The following SNAP91 variants were observed in gnomAD, a reference collection of about 807,000 sequenced individuals.
SNAP91 encodes the protein synaptosome associated protein 91, also known as clathrin coat assembly protein AP180.
SNAP91 carries 27 observed loss-of-function variants against 100.3 expected under a neutral mutation model. The observed-to-expected ratio is 0.27, with a 90% CI of 0.20 to 0.37. SNAP91 has a LOEUF of 0.37. SNAP91 is among the 10% of genes least tolerant of loss of function. The pLI is 1.00. For missense variants in SNAP91, 986 were observed against 1,123.7 expected, an observed-to-expected ratio of 0.88 and a Z score of 1.75; for synonymous variants, 404 against 398.6, an observed-to-expected ratio of 1.01 and a Z score of -0.16.
intron 12 of SNAP91, among the ~76,000 whole-genome samples, chr6:83,608,328 G>A (rs2095778913): frequency 6.6e-6 from 1 of 152,048 alleles, no homozygotes; most frequent in South Asian, 2.1e-4. Flanking sequence ...CTGATGTTTT[G>A]AAGATATCAT....
At chr6:83,663,167 T>G (rs2098596866) in intron 3 of SNAP91, among the ~76,000 whole-genome samples, 1 of 152,118 alleles carries the variant, frequency 6.6e-6, no homozygotes, top group Admixed American at 6.6e-5. Context: ...CCCCTGACTT[T>G]CTCCCTTTCC....
At chr6:83,694,146 G>C (rs1045668561) in intron 2 of SNAP91, among the ~76,000 whole-genome samples, 5 of 152,180 alleles carry the variant, frequency 3.3e-5, no homozygotes, top group African/African-American at 1.2e-4. Context: ...AATGAATGCT[G>C]TGTATTCACA....
chr6:83,647,952 T>C (rs1441749817), intron 7 of SNAP91, among the ~76,000 whole-genome samples: 5 of 151,984 alleles, frequency 3.3e-5, no homozygotes, highest in African/African-American at 1.2e-4. Flanking sequence ...GGTGAGAGAG[T>C]GCATGCCTGA....
At chr6:83,597,154 T>C (rs561588567) in intron 16 of SNAP91, among the ~76,000 whole-genome samples, 52 of 152,260 alleles carry the variant, frequency 3.4e-4, no homozygotes, top group African/African-American at 1.2e-3. Context: ...GAAATTTTCT[T>C]AAAGGTAGGA....
intron 13 of SNAP91, 60 bp downstream of exon 13, chr6:83,607,633 CATAAAA>C (rs2128289451): frequency 9.6e-7 from 1 of 1,042,314 alleles, no homozygotes; most frequent in South Asian, 1.6e-5. Flanking sequence ...GGGTACAGCA[CATAAAA>C]ATAAAACCAA....
Position 83,580,597 on chromosome 6 carries a change from A to C in SNAP91, c.2152T>G (p.Phe718Val), listed in dbSNP as rs985682381. The change falls in exon 24 of 30, where the codon TTT becomes GTT. Residue 718 changes from phenylalanine (F) to valine (V), a missense_variant and splice_region_variant. Around this residue, in one of 4 missense-constraint regions of SNAP91, gnomAD observed 575 missense variants for 579.9 expected, o/e 0.99. Transcript: ENST00000369694. ...SSSSSFDPSV[F>V]DGLGDLLMPT... ...ATCAAAAGATCACCTAGACCATCAA[A>C]CACTGGAAATCAAATAGACTAGGTT... The C allele has an allele frequency of 4.4e-6, 7 of 1,601,696 alleles. No individual in the cohort carries two copies. The African/African-American group carries it at 9.4e-5, about 22-fold the overall frequency.
chr6:83,631,189 C>T (rs2097192227), intron 8 of SNAP91, among the ~76,000 whole-genome samples: 1 of 152,058 alleles, frequency 6.6e-6, no homozygotes, highest in Non-Finnish European at 1.5e-5. Context: ...TTTTATTCCA[C>T]TGTGGTCTGA....
At chr6:83,659,635 T>C (rs1562545014) in intron 5 of SNAP91, among the ~76,000 whole-genome samples, 1 of 152,076 alleles carries the variant, frequency 6.6e-6, no homozygotes, top group African/African-American at 2.4e-5. Context: ...TCTCACTATG[T>C]TGCCCAGGCT....
chr6:83,607,542 G>T (rs959697261), intron 13 of SNAP91, among the ~76,000 whole-genome samples, 157 bp downstream of exon 13: 9 of 152,038 alleles, frequency 5.9e-5, no homozygotes, highest in African/African-American at 2.2e-4. Flanking sequence ...TGATTTAAGA[G>T]GCACAGGAGT....
intron 2 of SNAP91, among the ~76,000 whole-genome samples, chr6:83,686,591 C>T (rs1037003344): frequency 6.6e-6 from 1 of 152,188 alleles, no homozygotes; most frequent in Non-Finnish European, 1.5e-5. Flanking sequence ...AAAATAATCA[C>T]TTTCATACTT....
intron 7 of SNAP91, among the ~76,000 whole-genome samples, chr6:83,648,396 T>C (rs1298800886): frequency 2.0e-5 from 3 of 152,118 alleles, no homozygotes; most frequent in Non-Finnish European, 4.4e-5. Flanking sequence ...TTTTTTCTAT[T>C]ATGAACATTT....
intron 2 of SNAP91, among the ~76,000 whole-genome samples, chr6:83,676,440 T>G (rs374774401): frequency 6.6e-6 from 1 of 152,184 alleles, no homozygotes; most frequent in Non-Finnish European, 1.5e-5. Context: ...CTAAATGTAG[T>G]GAGAAAGCCA....
At chr6:83,654,748 A>T (rs1042796313) in intron 7 of SNAP91, among the ~76,000 whole-genome samples, 3 of 152,186 alleles carry the variant, frequency 2.0e-5, no homozygotes, top group Non-Finnish European at 4.4e-5. Flanking sequence ...TTATGAAAAG[A>T]TGTATGTATT....
intron 26 of SNAP91, 128 bp downstream of exon 26, chr6:83,574,882 G>C (rs1815554655): frequency 1.7e-6 from 1 of 593,588 alleles, no homozygotes; most frequent in Non-Finnish European, 2.9e-6. Context: ...AGTGCTACTT[G>C]CTTATATTTC....
intron 2 of SNAP91, among the ~76,000 whole-genome samples, chr6:83,673,371 G>C (rs1322505478): frequency 6.6e-6 from 1 of 151,966 alleles, no homozygotes; most frequent in Non-Finnish European, 1.5e-5. Context: ...TCCATGCAAG[G>C]GCACAATGAG....
rs1220357748 is a variant in SNAP91, at chr6:83,623,333, T to C, written c.775A>G (p.Ile259Val). Residue 259 changes from isoleucine to valine, a missense_variant, in exon 9 of 30, where the codon ATT (isoleucine) becomes GTT (valine). By Grantham distance (29) the Ile-to-Val change is conservative. This residue lies in a region of SNAP91 where 330 missense variants were observed against 447.5 expected (regional missense o/e 0.74). Transcript: ENST00000369694. ...EFLKVAEQVGIDKGDIPDLTQ... is the reference protein window; with the variant it reads ...EFLKVAEQVGVDKGDIPDLTQ... ...AGGTCAGGAATGTCACCTTTATCAA[T>C]ACCAACTTGCTGTGGATTTAAAAAA... 1.9e-6 allele frequency: 3 copies of C among 1,606,840 alleles called. No homozygotes were observed. The highest frequency in any genetic ancestry group is 1.1e-5 in the South Asian group (1 of 89,644).
chr6:83,677,797 T>G (rs1443738110), intron 2 of SNAP91, among the ~76,000 whole-genome samples: 6 of 152,190 alleles, frequency 3.9e-5, no homozygotes, highest in Non-Finnish European at 8.8e-5. Flanking sequence ...TCAAAAGAAC[T>G]CTGTGCTTTA....
rs116113373 is a variant in SNAP91 at position 83,647,735 on chromosome 6, G to C, written c.659-6533C>G. ...TTAAGGTGTAGATTTTATGTGTCTT[G>C]ACAGTTATATGCAACATCAATTACT... is the stretch of plus-strand genomic sequence containing the variant. On this transcript the variant is annotated intron_variant, in intron 7 of 29. Transcript: ENST00000369694. Among the ~76,000 whole-genome samples the C allele has an allele frequency of 6.4e-3, 971 of 151,396 alleles. 10 individuals carry two copies. The highest frequency in any genetic ancestry group is 0.023 in the African/African-American group (932 of 41,136).
At chr6:83,625,334 G>A (rs2096891507) in intron 8 of SNAP91, among the ~76,000 whole-genome samples, 1 of 152,088 alleles carries the variant, frequency 6.6e-6, no homozygotes, top group Non-Finnish European at 1.5e-5. Flanking sequence ...TATTTGAATA[G>A]TGCTGCAATG....
Sources: gnomAD v4.1 joint callset for allele counts (sites outside exome capture counted in the v4.1 genomes callset) on GRCh38, gnomAD v4.1.1 for gene constraint, gnomAD v4.1.1 regional missense constraint, MANE v1.5 for transcripts, NCBI Gene and HGNC (gene_info 2026-07-23, HGNC 2026-07-21) for gene names.